The following PRPSAP2 variants were observed in gnomAD, a reference collection of about 807,000 sequenced individuals.
PRPSAP2 encodes phosphoribosyl pyrophosphate synthetase associated protein 2.
Under a neutral mutation model 40.6 loss-of-function variants are expected in PRPSAP2, and 24 were observed. The observed-to-expected ratio is 0.59, with a 90% CI of 0.43 to 0.83. The LOEUF (loss-of-function observed/expected upper bound fraction) is 0.83, where lower values mean the gene tolerates loss of function less well. Ranked by LOEUF, PRPSAP2 falls within the 40% of genes least tolerant of loss-of-function variation. The pLI, the probability that PRPSAP2 is intolerant of heterozygous loss-of-function variation, is 0.00. For missense variants in PRPSAP2, 292 were observed against 465.6 expected (o/e 0.63, Z 3.43); for synonymous variants, 149 against 164.7 (o/e 0.90, Z 0.73).
chr17:18,908,552 C>T (rs915381119), intron 8 of PRPSAP2: 8 of 747,398 alleles, frequency 1.1e-5, no homozygotes, highest in African/African-American at 8.6e-5. Context: ...GGACAAGACC[C>T]TGAAGATCTG....
chr17:18,926,878 C>A (rs573711495), intron 10 of PRPSAP2, among the ~76,000 whole-genome samples: 1 of 152,156 alleles, frequency 6.6e-6, no homozygotes, highest in South Asian at 2.1e-4. Flanking sequence ...AGAATTGCTC[C>A]TTCACTGCAA....
At chr17:18,928,984 A>G (rs1215357453) in intron 11 of PRPSAP2, 27 bp downstream of exon 11, 3 of 1,599,150 alleles carry the variant, frequency 1.9e-6, no homozygotes, top group Non-Finnish European at 2.6e-6. Context: ...GTGTGTGGGT[A>G]CAGCTGCCTG....
Position 18,891,952 on chromosome 17 carries a change from G to A in PRPSAP2, c.584+2075G>A, listed in dbSNP as rs556170659. Among the ~76,000 whole-genome samples, 9 of 152,340 alleles carry A rather than the reference G, an allele frequency of 5.9e-5. 1 individual carries two copies. In the South Asian group the frequency reaches 1.9e-3, roughly 32 times the overall value. On this transcript the variant is annotated intron_variant, in intron 8 of 11. Coordinates refer to ENST00000268835, the MANE Select transcript of PRPSAP2 (RefSeq NM_002767.4). ...GCTCACTGCAACCTCCGCCTCCTGGGTTCAAGCAATTCTCCTGCCTCATCC... is the reference window on the plus strand; with the variant it reads ...GCTCACTGCAACCTCCGCCTCCTGGATTCAAGCAATTCTCCTGCCTCATCC...
At chr17:18,924,061 T>G in intron 10 of PRPSAP2, 77 bp downstream of exon 10, 1 of 1,398,348 alleles carries the variant, frequency 7.2e-7, no homozygotes, top group Non-Finnish European at 1.0e-6. Flanking sequence ...ATTGATTTTA[T>G]TACAGAGACT....
At chr17:18,856,949 AC>A (rs1198432703), upstream of PRPSAP2, among the ~76,000 whole-genome samples, 1 of 152,226 alleles carries the variant, frequency 6.6e-6, no homozygotes, top group African/African-American at 2.4e-5. Context: ...AGTAAACATT[AC>A]CTAAGTTATA....
intron 4 of PRPSAP2, among the ~76,000 whole-genome samples, chr17:18,869,612 C>T (rs60466804): frequency 0.019 from 2,815 of 150,938 alleles, 92 homozygotes; most frequent in African/African-American, 0.066. Context: ...GAGTGATTCT[C>T]GTGCCTCAGC....
intron 6 of PRPSAP2, among the ~76,000 whole-genome samples, chr17:18,880,116 T>C (rs1474696095): frequency 6.6e-6 from 1 of 151,656 alleles, no homozygotes; most frequent in Non-Finnish European, 1.5e-5. Flanking sequence ...AAAATAAAAT[T>C]AAAAACTCAA....
intron 7 of PRPSAP2, among the ~76,000 whole-genome samples, chr17:18,885,418 A>AG (rs2039064705): frequency 6.7e-6 from 1 of 149,456 alleles, no homozygotes; most frequent in Non-Finnish European, 1.5e-5. Flanking sequence ...AAAAAAAAAA[A>AG]AAAAAAAAAA....
intron 6 of PRPSAP2, 29 bp downstream of exon 6, chr17:18,877,899 T>C (rs1356032888): frequency 5.8e-6 from 9 of 1,559,682 alleles, no homozygotes; most frequent in African/African-American, 2.8e-5. Flanking sequence ...TCACAATTAA[T>C]TGGGGGCCTG....
At position 18,882,675 on chromosome 17, in the gene PRPSAP2, C is replaced by A; in HGVS notation, c.520C>A (p.Gln174Lys). The A allele has an allele frequency of 6.4e-7, 1 of 1,567,478 alleles. No individual in the cohort carries two copies. The highest frequency in any genetic ancestry group is 1.1e-5 in the South Asian group (1 of 89,084). The change falls in exon 7 of 12, where the codon CAA (glutamine) becomes AAA (lysine). Residue 174 changes from glutamine (Q) to lysine (K), a missense_variant. By Grantham distance (53) the Gln-to-Lys change is moderately conservative (BLOSUM62 1). This residue lies in a region of PRPSAP2 where 241 missense variants were observed against 425.7 expected (regional missense o/e 0.57). Transcript: ENST00000268835. ...ATCTCCCTTCTTATTACAGTATATTCAAGAAGAGGTGAGCTAGCTCAAACT... is the reference window on the plus strand; with the variant it reads ...ATCTCCCTTCTTATTACAGTATATTAAAGAAGAGGTGAGCTAGCTCAAACT... ...RASPFLLQYI[Q>K]EEIPDYRNAV... is the part of the protein sequence containing the mutation.
In PRPSAP2 at chr17:18,873,234, C is replaced by T. The variant is rs150832384; in HGVS notation, c.239+585C>T. 1.3e-3 allele frequency among the ~76,000 whole-genome samples: 134 copies of T among 103,580 alleles called. 1 individual carries two copies. The highest frequency in any genetic ancestry group is 5.0e-3 in the African/African-American group (130 of 26,160). The allele number at this position is 103,580 out of a possible 152,430, so 68.0% of individuals were successfully genotyped here. On this transcript the variant is annotated intron_variant, in intron 5 of 11. Coordinates refer to ENST00000268835, the MANE Select transcript of PRPSAP2 (RefSeq NM_002767.4). The stretch of plus-strand genomic sequence containing the variant: ...TTGAGACAGAATTTCACTCTTGTTG[C>T]CCAGGCTGGAGTGCAATGACGCGAT...
chr17:18,919,011 T>C (rs1249239485), intron 9 of PRPSAP2, among the ~76,000 whole-genome samples: 1 of 152,152 alleles, frequency 6.6e-6, no homozygotes, highest in Non-Finnish European at 1.5e-5. Context: ...GCGTTATTGC[T>C]CTAGGGGTTG....
At chr17:18,887,040 G>T (rs962827769) in intron 7 of PRPSAP2, among the ~76,000 whole-genome samples, 2 of 142,550 alleles carry the variant, frequency 1.4e-5, no homozygotes, top group South Asian at 4.5e-4. Flanking sequence ...AGGTTCAAGC[G>T]ATTCTCCTGC....
At chr17:18,871,229 A>G (rs1219099360) in intron 4 of PRPSAP2, among the ~76,000 whole-genome samples, 2 of 151,894 alleles carry the variant, frequency 1.3e-5, no homozygotes, top group Non-Finnish European at 2.9e-5. Flanking sequence ...CATGTTGGCC[A>G]GGCTAGCCTT....
chr17:18,909,047 G>GA (rs1478459188), intron 8 of PRPSAP2, among the ~76,000 whole-genome samples: 1 of 151,912 alleles, frequency 6.6e-6, no homozygotes, highest in Non-Finnish European at 1.5e-5. Context: ...ACAAAAACCA[G>GA]AAAAAAGCTA....
chr17:18,924,478 C>G (rs11655553), intron 10 of PRPSAP2, among the ~76,000 whole-genome samples: 11,892 of 152,216 alleles, frequency 0.078, 552 homozygotes, highest in Middle Eastern at 0.14. Context: ...TTTAAAATTG[C>G]TCACTACTGG....
chr17:18,916,458 T>TTCCACC (rs998832150), intron 9 of PRPSAP2, among the ~76,000 whole-genome samples: 4 of 151,158 alleles, frequency 2.6e-5, no homozygotes, highest in Non-Finnish European at 4.4e-5. Context: ...TCACCGCAAC[T>TTCCACC]TCCACCTCCA....
At chr17:18,876,580 A>G (rs1195903385) in intron 5 of PRPSAP2, among the ~76,000 whole-genome samples, 2 of 152,346 alleles carry the variant, frequency 1.3e-5, no homozygotes, top group African/African-American at 4.8e-5. Context: ...TAAAACAGAG[A>G]AAGTCCTTGT....
intron 8 of PRPSAP2, among the ~76,000 whole-genome samples, chr17:18,897,453 G>GT (rs1555555755): frequency 1.2e-3 from 177 of 150,596 alleles, no homozygotes; most frequent in African/African-American, 1.2e-3. Context: ...CTCTATAGTG[G>GT]TGTTGTTGTT....
Sources: gnomAD v4.1 joint callset for allele counts (sites outside exome capture counted in the v4.1 genomes callset) on GRCh38, gnomAD v4.1.1 for gene constraint, gnomAD v4.1.1 regional missense constraint, MANE v1.5 for transcripts, NCBI Gene and HGNC (gene_info 2026-07-23, HGNC 2026-07-21) for gene names.